The following BBS9 variants were observed in gnomAD, a reference collection of about 807,000 sequenced individuals.
BBS9 encodes protein PTHB1.
In BBS9, 89 loss-of-function variants were observed where a neutral mutation model predicts 117.7. That is an observed-to-expected ratio of 0.76 (90% CI 0.64 to 0.90). BBS9 has a LOEUF of 0.90. Among genes scored for constraint, BBS9 ranks in the 40% least tolerant of loss-of-function variants. BBS9 has a pLI of 0.00. For synonymous variants in BBS9, 379 were observed against 370.9 expected (o/e 1.02, Z -0.25); for missense variants, 982 against 1,042.2 (o/e 0.94, Z 0.80).
chr7:33,470,840 C>T (rs1293607006), intron 19 of BBS9, among the ~76,000 whole-genome samples: 1 of 152,112 alleles, frequency 6.6e-6, no homozygotes, highest in African/African-American at 2.4e-5. Context: ...CTGAAGGACA[C>T]TCATTCAGGG....
chr7:33,152,952 T>G, intron 3 of BBS9, 101 bp downstream of exon 3: 1 of 1,354,752 alleles, frequency 7.4e-7, no homozygotes, highest in Non-Finnish European at 1.0e-6. Flanking sequence ...ATGAATTAAA[T>G]ATATTTTCTG....
intron 5 of BBS9, among the ~76,000 whole-genome samples, chr7:33,240,565 A>C (rs1395067524): frequency 6.6e-6 from 1 of 152,146 alleles, no homozygotes; most frequent in Non-Finnish European, 1.5e-5. Context: ...TGTTCTTCAA[A>C]AAATTTCTAT....
intron 21 of BBS9, among the ~76,000 whole-genome samples, chr7:33,603,849 G>A (rs1291069632): frequency 6.6e-6 from 1 of 152,172 alleles, no homozygotes; most frequent in East Asian, 1.9e-4. Flanking sequence ...TTTCAGAGTT[G>A]ATGCAGAGGC....
chr7:33,343,774 C>T (rs879614110), intron 11 of BBS9, among the ~76,000 whole-genome samples: 9 of 152,158 alleles, frequency 5.9e-5, no homozygotes, highest in African/African-American at 2.2e-4. Flanking sequence ...GCTAGGATTA[C>T]AGGCATGAGC....
At chr7:33,576,770 G>A (rs999415436) in intron 21 of BBS9, among the ~76,000 whole-genome samples, 2 of 152,142 alleles carry the variant, frequency 1.3e-5, no homozygotes, top group African/African-American at 4.8e-5. Context: ...ACAATCATCT[G>A]ATCTTTGACA....
chr7:33,253,021 G>A (rs1053630612), intron 5 of BBS9, among the ~76,000 whole-genome samples: 4 of 151,924 alleles, frequency 2.6e-5, no homozygotes, highest in African/African-American at 9.7e-5. Context: ...CCATAAATAC[G>A]TCAGCACACA....
chr7:33,630,498 C>T (rs1328109503), intron 21 of BBS9, among the ~76,000 whole-genome samples: 1 of 152,126 alleles, frequency 6.6e-6, no homozygotes, highest in Non-Finnish European at 1.5e-5. Context: ...AATGCCCCTA[C>T]CCCTGCGTCC....
At chr7:33,180,340 T>C (rs116410182) in intron 5 of BBS9, among the ~76,000 whole-genome samples, 335 of 134,092 alleles carry the variant, frequency 2.5e-3, no homozygotes, top group African/African-American at 8.5e-3. Context: ...CTTCTATAGA[T>C]GTAAAATTGC....
intron 19 of BBS9, among the ~76,000 whole-genome samples, chr7:33,435,520 C>T (rs1446339141): frequency 3.5e-5 from 2 of 56,858 alleles, no homozygotes; most frequent in Admixed American, 2.7e-4. Context: ...TAAGGCTAGA[C>T]CAAGGACTCT....
At chr7:33,152,262 G>A (rs996364643) in intron 2 of BBS9, among the ~76,000 whole-genome samples, 12 of 152,172 alleles carry the variant, frequency 7.9e-5, no homozygotes, top group Admixed American at 4.6e-4. Context: ...TACTTAAGAT[G>A]AAACATTGCT....
chr7:33,490,539 TATCTC>T (rs1452513748), intron 19 of BBS9, among the ~76,000 whole-genome samples: 1 of 152,174 alleles, frequency 6.6e-6, no homozygotes, highest in Non-Finnish European at 1.5e-5. Flanking sequence ...CATTAAGAAT[TATCTC>T]ATAACTGTGA....
chr7:33,484,836 A>G (rs1299759953), intron 19 of BBS9, among the ~76,000 whole-genome samples: 1 of 152,222 alleles, frequency 6.6e-6, no homozygotes, highest in African/African-American at 2.4e-5. Flanking sequence ...ATAAAGATAC[A>G]AGCATACATA....
intron 9 of BBS9, among the ~76,000 whole-genome samples, chr7:33,334,153 A>G (rs924520720): frequency 6.6e-6 from 1 of 152,210 alleles, no homozygotes; most frequent in Non-Finnish European, 1.5e-5. Context: ...ATAGGTTCAG[A>G]TAATTTTTTA....
intron 1 of BBS9, among the ~76,000 whole-genome samples, chr7:33,132,240 G>C (rs988720756): frequency 6.6e-6 from 1 of 152,154 alleles, no homozygotes; most frequent in Non-Finnish European, 1.5e-5. Flanking sequence ...AGACAGTCTG[G>C]GTTTAGGTAC....
chr7:33,603,264 GT>G (rs1428911545), intron 21 of BBS9, among the ~76,000 whole-genome samples: 3 of 151,818 alleles, frequency 2.0e-5, no homozygotes, highest in Non-Finnish European at 4.4e-5. Context: ...TTTTTTCAGG[GT>G]TCTGTTCAGC....
chr7:33,338,583 G>T (rs1399741683), intron 10 of BBS9, among the ~76,000 whole-genome samples: 1 of 152,096 alleles, frequency 6.6e-6, no homozygotes, highest in East Asian at 1.9e-4. Context: ...AGTACATTTT[G>T]TTGTACACAT....
intron 21 of BBS9, among the ~76,000 whole-genome samples, chr7:33,580,302 C>A (rs1209380843): frequency 1.3e-5 from 2 of 151,202 alleles, no homozygotes; most frequent in Non-Finnish European, 2.9e-5. Context: ...GACACGTCTA[C>A]TAGATGATCA....
Position 33,147,257 on chromosome 7 carries a change from C to CT in BBS9, c.112+902dup, listed in dbSNP as rs778843694. ...TTTGTATTTGGTTTATAGTCATGGGCTTTTTTTTTGTGATCTAGTCATTAC... is the reference window on the plus strand; with the variant it reads ...TTTGTATTTGGTTTATAGTCATGGGCTTTTTTTTTTGTGATCTAGTCATTAC... On this transcript the variant is annotated intron_variant, in intron 2 of 22. Transcript: ENST00000242067. Among the ~76,000 whole-genome samples the CT allele has an allele frequency of 2.4e-3, 350 of 147,250 alleles. 1 individual carries two copies. Among genetic ancestry groups the CT allele is most frequent in the Admixed American group, 3.5e-3 (52 of 14,678 alleles).
At chr7:33,156,380 T>C (rs1794094144) in intron 4 of BBS9, among the ~76,000 whole-genome samples, 2 of 152,204 alleles carry the variant, frequency 1.3e-5, no homozygotes, top group South Asian at 4.1e-4. Context: ...GGGGCATTTT[T>C]TTTATGGGTA....
Sources: gnomAD v4.1 joint callset for allele counts (sites outside exome capture counted in the v4.1 genomes callset) on GRCh38, gnomAD v4.1.1 for gene constraint, MANE v1.5 for transcripts, NCBI Gene and HGNC (gene_info 2026-07-23, HGNC 2026-07-21) for gene names.